The following BAIAP2L1 variants were observed in gnomAD, a reference collection of about 807,000 sequenced individuals.
The protein encoded by BAIAP2L1 is BAR/IMD domain containing adaptor protein 2 like 1, also known as BAR/IMD domain-containing adapter protein 2-like 1.
A neutral mutation model predicts 66.3 loss-of-function variants in BAIAP2L1; 35 were observed. That is an observed-to-expected ratio of 0.53 (90% CI 0.40 to 0.70). The LOEUF (loss-of-function observed/expected upper bound fraction) is 0.70, where lower values mean the gene tolerates loss of function less well. Among genes scored for constraint, BAIAP2L1 ranks in the 30% least tolerant of loss-of-function variants. BAIAP2L1 has a pLI of 0.00. For missense variants in BAIAP2L1, 622 were observed against 656.9 expected, an observed-to-expected ratio of 0.95 and a Z score of 0.58; for synonymous variants, 269 against 248.7, an observed-to-expected ratio of 1.08 and a Z score of -0.77.
chr7:98,395,397 C>G (rs1238389582), intron 1 of BAIAP2L1, among the ~76,000 whole-genome samples: 12 of 151,256 alleles, frequency 7.9e-5, no homozygotes, highest in Admixed American at 7.3e-4. Context: ...CAAGACTGAG[C>G]CACTGCACCC....
intron 1 of BAIAP2L1, among the ~76,000 whole-genome samples, chr7:98,389,158 C>A (rs1471230799): frequency 6.6e-6 from 1 of 151,738 alleles, no homozygotes; most frequent in East Asian, 1.9e-4. Context: ...TGACAGGGGG[C>A]CCTGTCTTCT....
chr7:98,332,706 G>A (rs1801525645), intron 3 of BAIAP2L1, among the ~76,000 whole-genome samples: 1 of 149,880 alleles, frequency 6.7e-6, no homozygotes, highest in South Asian at 2.1e-4. Context: ...CTACTCAGGA[G>A]GCTAAGGCAA....
intron 1 of BAIAP2L1, among the ~76,000 whole-genome samples, chr7:98,394,258 C>CAAACAAACAAAA (rs939365257): frequency 1.8e-4 from 28 of 151,750 alleles, no homozygotes; most frequent in African/African-American, 6.3e-4. Context: ...AACAAACAAA[C>CAAACAAACAAAA]AAAAAAACCC....
intron 3 of BAIAP2L1, among the ~76,000 whole-genome samples, chr7:98,329,167 C>A (rs1435568405): frequency 6.6e-6 from 1 of 152,172 alleles, no homozygotes; most frequent in Non-Finnish European, 1.5e-5. Flanking sequence ...GAGGTCGTCA[C>A]TCCCTTATAA....
chr7:98,388,981 AAAAC>A (rs1489182379), intron 1 of BAIAP2L1, among the ~76,000 whole-genome samples: 7 of 124,706 alleles, frequency 5.6e-5, no homozygotes, highest in Admixed American at 1.7e-4. Flanking sequence ...TTAAAAAAAA[AAAAC>A]AAAAAACAAA....
At chr7:98,368,028 G>A (rs1275578076) in intron 1 of BAIAP2L1, among the ~76,000 whole-genome samples, 1 of 152,140 alleles carries the variant, frequency 6.6e-6, no homozygotes, top group African/African-American at 2.4e-5. Flanking sequence ...CCTCTTTTGT[G>A]CTGCCACTTA....
rs575938267 is a variant in BAIAP2L1 at position 98,324,380 on chromosome 7, CA to C, written c.215-4083del. Among the ~76,000 whole-genome samples the C allele has an allele frequency of 2.3e-3, 355 of 152,088 alleles. 1 individual carries two copies. Among genetic ancestry groups the C allele is most frequent in the Non-Finnish European group, 3.0e-3 (207 of 67,982 alleles). ...TCTAGCAGGTTGTGGAAATCTCCAACAAAAAAAGAATGGTTAATGGTGGTAT... is the reference window on the plus strand; with the variant it reads ...TCTAGCAGGTTGTGGAAATCTCCAACAAAAAAGAATGGTTAATGGTGGTAT... On this transcript the variant is annotated intron_variant, in intron 3 of 13. Coordinates refer to ENST00000005260, the MANE Select transcript of BAIAP2L1 (RefSeq NM_018842.5).
At chr7:98,323,861 T>C (rs1169381759) in intron 3 of BAIAP2L1, among the ~76,000 whole-genome samples, 1 of 152,118 alleles carries the variant, frequency 6.6e-6, no homozygotes, top group African/African-American at 2.4e-5. Flanking sequence ...GCCGAAAGAG[T>C]ATCTTGAAGC....
chr7:98,344,269 G>C (rs1584472257), intron 3 of BAIAP2L1, among the ~76,000 whole-genome samples: 1 of 152,178 alleles, frequency 6.6e-6, no homozygotes, highest in East Asian at 1.9e-4. Context: ...ATCTGGTAAA[G>C]GTGATATTTT....
intron 12 of BAIAP2L1, among the ~76,000 whole-genome samples, chr7:98,300,542 G>A (rs1800378614): frequency 6.6e-6 from 1 of 152,212 alleles, no homozygotes. Context: ...GAAGCTGCTG[G>A]CTGAGATTTC....
chr7:98,297,104 CGA>C (rs1800224162), intron 12 of BAIAP2L1, among the ~76,000 whole-genome samples: 1 of 152,212 alleles, frequency 6.6e-6, no homozygotes, highest in Non-Finnish European at 1.5e-5. Flanking sequence ...GCAGCCACTA[CGA>C]GAGTGGTTGG....
intron 2 of BAIAP2L1, among the ~76,000 whole-genome samples, chr7:98,357,508 A>G (rs1169882124): frequency 6.7e-6 from 1 of 148,560 alleles, no homozygotes; most frequent in African/African-American, 2.5e-5. Context: ...CAGAGGTTAC[A>G]GTGAGCTGAG....
In BAIAP2L1 at chr7:98,385,824, T is replaced by C. The variant is rs564441456; in HGVS notation, c.51+14978A>G. Reference sequence around the variant, plus strand: ...CAGATTCTTGGACTGGTGGTTCATATCCATCAGCTCGTTCAACTTTAGCAC... The same window carrying C: ...CAGATTCTTGGACTGGTGGTTCATACCCATCAGCTCGTTCAACTTTAGCAC... On this transcript the variant is annotated intron_variant, in intron 1 of 13. Coordinates refer to ENST00000005260, the MANE Select transcript of BAIAP2L1 (RefSeq NM_018842.5). 20 of 1,534,788 alleles carry C rather than the reference T, an allele frequency of 1.3e-5. No homozygotes were observed. The African/African-American group carries it at 2.5e-4, about 19-fold the overall frequency.
At chr7:98,358,657 T>G (rs143469174) in intron 2 of BAIAP2L1, among the ~76,000 whole-genome samples, 12 of 152,210 alleles carry the variant, frequency 7.9e-5, no homozygotes, top group African/African-American at 2.9e-4. Context: ...ATACCTAGCA[T>G]AGTTCTATTT....
At chr7:98,387,439 C>T (rs765902630) in intron 1 of BAIAP2L1, among the ~76,000 whole-genome samples, 4 of 152,182 alleles carry the variant, frequency 2.6e-5, no homozygotes, top group Admixed American at 6.5e-5. Context: ...ATTACTGACA[C>T]GATCTCAGTG....
intron 7 of BAIAP2L1, 116 bp downstream of exon 7, chr7:98,315,344 C>T (rs1801032775): frequency 9.6e-7 from 1 of 1,045,168 alleles, no homozygotes; most frequent in African/African-American, 1.6e-5. Context: ...CCCAGGCCCA[C>T]CTCAGCCTCC....
At chr7:98,393,337 C>T (rs1159210025) in intron 1 of BAIAP2L1, among the ~76,000 whole-genome samples, 1 of 150,762 alleles carries the variant, frequency 6.6e-6, no homozygotes, top group East Asian at 2.0e-4. Context: ...CCACTGCACC[C>T]GGCCATGAAA....
chr7:98,326,676 A>G (rs540160883), intron 3 of BAIAP2L1, among the ~76,000 whole-genome samples: 11 of 152,308 alleles, frequency 7.2e-5, no homozygotes, highest in African/African-American at 2.6e-4. Context: ...AGCTCTTGCT[A>G]GAAGTAGAGT....
rs1011772365 is a variant in BAIAP2L1 at position 98,400,942 on chromosome 7, C to T, written c.-90G>A. ...GGGCAGCGGGAGGGCCGGGGCGCGA[C>T]TAAGGGGCTCTGGAGGGTCGGCCGC... On this transcript the variant is annotated 5_prime_UTR_variant, in exon 1 of 14. Transcript: ENST00000005260. 3.1e-6 allele frequency: 4 copies of T among 1,296,320 alleles called. No homozygotes were observed. Among genetic ancestry groups the T allele is most frequent in the East Asian group, 3.1e-5 (1 of 32,706 alleles). The allele number at this position is 1,296,320 out of a possible 1,614,324, so 80.3% of individuals were successfully genotyped here.
Sources: allele counts gnomAD v4.1 joint callset (sites outside exome capture counted in the v4.1 genomes callset), GRCh38; gene constraint gnomAD v4.1.1; transcripts MANE v1.5; gene names NCBI Gene and HGNC (gene_info 2026-07-23, HGNC 2026-07-21).